The following TANC2 variants were observed in gnomAD, a reference collection of about 807,000 sequenced individuals.
The protein encoded by TANC2 is tetratricopeptide repeat, ankyrin repeat and coiled-coil containing 2.
Under a neutral mutation model 210.5 loss-of-function variants are expected in TANC2, and 26 were observed. The ratio of observed to expected loss-of-function variants is 0.12; its 90% CI spans 0.09 to 0.17. The LOEUF is 0.17. TANC2 is among the 10% of genes least tolerant of loss of function. The probability of loss-of-function intolerance (pLI) is 1.00; values close to 1 mark genes in which losing one functional copy is unlikely to be tolerated. For synonymous variants in TANC2, 931 were observed against 967.1 expected (o/e 0.96, Z 0.69); for missense variants, 2,129 against 2,608.9 (o/e 0.82, Z 4.01).
intron 11 of TANC2, chr17:63,332,491 G>A: frequency 2.4e-6 from 1 of 408,316 alleles, no homozygotes; most frequent in East Asian, 7.2e-5. Context: ...CTGTTCCTTG[G>A]GCCTCCTTTG....
intron 1 of TANC2, among the ~76,000 whole-genome samples, chr17:62,976,455 G>GTT (rs553720202): frequency 1.1e-4 from 15 of 140,178 alleles, no homozygotes; most frequent in African/African-American, 2.1e-4. Flanking sequence ...GGTTTGTCTG[G>GTT]TTTTTTTTTT....
At chr17:63,370,469 C>G (rs184916086) in intron 14 of TANC2, among the ~76,000 whole-genome samples, 3 of 151,950 alleles carry the variant, frequency 2.0e-5, no homozygotes, top group African/African-American at 7.3e-5. Flanking sequence ...TGAGCCACCA[C>G]GCCCGGCCTC....
chr17:63,421,298 G>T lies in TANC2; in HGVS notation c.5568G>T (p.Leu1856Phe), dbSNP rs1426828513. ...CGCACCCGCCAACTCCCAGGCCGTT[G>T]CTGCATTCCCAAAGTGTAGGCCTTC... Residue 1856 changes from leucine (L) to phenylalanine (F), a missense_variant, in exon 28 of 28, where the codon TTG becomes TTT. This residue lies in a region of TANC2 where 584 missense variants were observed against 627.3 expected (regional missense o/e 0.93). Coordinates refer to ENST00000689528, the Ensembl canonical transcript of TANC2. The surrounding 1 kb of genome is among the most constrained non-coding windows in gnomAD (Gnocchi z 6.9). The T allele has an allele frequency of 1.2e-6, 2 of 1,614,038 alleles. No homozygotes were observed.
chr17:63,349,581 A>G (rs142329248), intron 12 of TANC2, among the ~76,000 whole-genome samples: 1 of 152,262 alleles, frequency 6.6e-6, no homozygotes, highest in Admixed American at 6.5e-5. Flanking sequence ...TTCCCACCAT[A>G]CACAATTCCA....
chr17:63,314,394 T>C (rs1356974520), exon 10 of TANC2: 2 of 1,613,752 alleles, frequency 1.2e-6, no homozygotes, highest in South Asian at 2.2e-5. Context: ...TCAGTTCGCT[T>C]TGCACCTTAT....
chr17:63,261,556 G>A (rs1348373550), intron 8 of TANC2, among the ~76,000 whole-genome samples: 2 of 152,126 alleles, frequency 1.3e-5, no homozygotes, highest in African/African-American at 4.8e-5. Context: ...ATCTGAAGAC[G>A]TGAGATGAGG....
intron 10 of TANC2, among the ~76,000 whole-genome samples, chr17:63,316,506 A>G (rs1310747128): frequency 6.6e-6 from 1 of 152,194 alleles, no homozygotes; most frequent in African/African-American, 2.4e-5. Context: ...CTTTAAAGGT[A>G]GTTCACTAAG....
intron 5 of TANC2, chr17:63,153,549 T>C (rs1339955283): frequency 6.6e-6 from 1 of 152,196 alleles, no homozygotes. Context: ...TCAGTAGGTC[T>C]GGAGTGGGTC....
chr17:63,131,482 A>G (rs2038916919), intron 4 of TANC2, among the ~76,000 whole-genome samples: 1 of 151,218 alleles, frequency 6.6e-6, no homozygotes, highest in African/African-American at 2.4e-5. Flanking sequence ...TAAAACATGT[A>G]TTTCTTACCA....
rs569111648 is a variant in TANC2 at position 63,143,537 on chromosome 17, T to C, written c.323-7733T>C. Among the ~76,000 whole-genome samples, 4 of 152,352 alleles carry C rather than the reference T, an allele frequency of 2.6e-5. No homozygotes were observed. In the South Asian group the frequency reaches 6.2e-4, roughly 24 times the overall value. Reference sequence around the variant, plus strand: ...CTAAATACAGAAAAGCATTTAGCTCTGATATCACAACCTCTTTATTTTAAT... The same window carrying C: ...CTAAATACAGAAAAGCATTTAGCTCCGATATCACAACCTCTTTATTTTAAT... On this transcript the variant is annotated intron_variant, in intron 4 of 27. Coordinates refer to ENST00000689528, the Ensembl canonical transcript of TANC2.
At chr17:63,288,070 A>G (rs1264605235) in intron 9 of TANC2, among the ~76,000 whole-genome samples, 2 of 152,116 alleles carry the variant, frequency 1.3e-5, no homozygotes, top group African/African-American at 4.8e-5. Flanking sequence ...CTAATCTTGG[A>G]TAGATCTTTT....
chr17:63,348,081 G>A (rs1199036362), intron 12 of TANC2, among the ~76,000 whole-genome samples: 4 of 152,124 alleles, frequency 2.6e-5, no homozygotes, highest in African/African-American at 4.8e-5. Flanking sequence ...ACACTAATTT[G>A]TTACCACACT....
chr17:63,025,821 TTAAAATAAAATAAAA>T (rs71357046), intron 2 of TANC2, among the ~76,000 whole-genome samples: 18 of 141,516 alleles, frequency 1.3e-4, no homozygotes, highest in African/African-American at 3.6e-4. Flanking sequence ...TAAAATTAAA[TTAAAATAAAATAAAA>T]TAAAATAAAA....
At chr17:63,191,849 G>A (rs1372975890) in intron 5 of TANC2, among the ~76,000 whole-genome samples, 1 of 152,180 alleles carries the variant, frequency 6.6e-6, no homozygotes, top group Non-Finnish European at 1.5e-5. Context: ...GTTACTGACA[G>A]TTAAGTCTGT....
chr17:63,216,477 A>T (rs1469499218), intron 7 of TANC2, among the ~76,000 whole-genome samples: 1 of 152,152 alleles, frequency 6.6e-6, no homozygotes, highest in East Asian at 1.9e-4. Flanking sequence ...ATTCCAGCAA[A>T]TTATTGAACT....
intron 2 of TANC2, among the ~76,000 whole-genome samples, chr17:63,026,913 T>C (rs1318280956): frequency 1.3e-5 from 2 of 152,152 alleles, no homozygotes; most frequent in Non-Finnish European, 2.9e-5. Flanking sequence ...GTTGGTACTT[T>C]CAAAGTTTGC....
intron 6 of TANC2, among the ~76,000 whole-genome samples, chr17:63,197,090 T>C (rs1460123649): frequency 1.3e-5 from 2 of 152,118 alleles, no homozygotes; most frequent in African/African-American, 4.8e-5. Context: ...AAATAAAAAG[T>C]ATAAAATAAT....
intron 8 of TANC2, among the ~76,000 whole-genome samples, chr17:63,240,373 A>G (rs757410327): frequency 2.0e-5 from 3 of 152,190 alleles, no homozygotes; most frequent in Non-Finnish European, 4.4e-5. Flanking sequence ...CTTGGTCACT[A>G]CTTAACATCA....
chr17:63,004,208 A>G (rs7221831), intron 1 of TANC2, among the ~76,000 whole-genome samples: 3,221 of 152,318 alleles, frequency 0.021, 105 homozygotes, highest in African/African-American at 0.072. Flanking sequence ...AAGATCCTCA[A>G]CTGCTGCTCT....
Sources: gnomAD v4.1 joint callset for allele counts (sites outside exome capture counted in the v4.1 genomes callset) on GRCh38, gnomAD v4.1.1 for gene constraint, gnomAD v4.1.1 regional missense constraint, Gnocchi (gnomAD v3.1) non-coding constraint, MANE v1.5 for transcripts, NCBI Gene and HGNC (gene_info 2026-07-23, HGNC 2026-07-21) for gene names.